Variants in DLG2 observed in about 807,000 individuals in gnomAD.
DLG2 encodes the protein disks large homolog 2.
In DLG2, 45 loss-of-function variants were observed where a neutral mutation model predicts 132.5. That is an observed-to-expected ratio of 0.34 (90% CI 0.27 to 0.44). DLG2 has a LOEUF of 0.44. Ranked by LOEUF, DLG2 falls within the 20% of genes least tolerant of loss-of-function variation. DLG2 has a pLI of 1.00. For synonymous variants in DLG2, 424 were observed against 419.6 expected (o/e 1.01, Z -0.13); for missense variants, 1,045 against 1,196.9 (o/e 0.87, Z 1.87).
intron 8 of DLG2, among the ~76,000 whole-genome samples, chr11:84,223,352 T>TA (rs1433517986): frequency 1.3e-5 from 2 of 151,932 alleles, no homozygotes; most frequent in African/African-American, 2.4e-5. Flanking sequence ...ATATATTTTC[T>TA]AAAAAAAATT....
At chr11:84,407,994 A>G (rs1167070963) in intron 7 of DLG2, among the ~76,000 whole-genome samples, 1 of 152,212 alleles carries the variant, frequency 6.6e-6, no homozygotes. Flanking sequence ...AACAGATCCT[A>G]CTAGATTATC....
At chr11:83,867,656 G>T (rs1371462911) in intron 16 of DLG2, among the ~76,000 whole-genome samples, 13 of 152,168 alleles carry the variant, frequency 8.5e-5, no homozygotes, top group African/African-American at 3.1e-4. Flanking sequence ...TCCACGTTTG[G>T]AAACTTCTGT....
At chr11:85,003,964 T>C (rs899642251) in intron 6 of DLG2, among the ~76,000 whole-genome samples, 3 of 152,194 alleles carry the variant, frequency 2.0e-5, no homozygotes, top group Admixed American at 2.0e-4. Context: ...AGTGAGAACA[T>C]GCGGTATTTG....
intron 7 of DLG2, among the ~76,000 whole-genome samples, chr11:84,522,163 G>A (rs2099304337): frequency 1.3e-5 from 2 of 149,456 alleles, no homozygotes; most frequent in Admixed American, 6.7e-5. Flanking sequence ...GCGAGACTCT[G>A]TCTCAAAAAC....
chr11:84,368,479 T>A (rs2098693057), intron 7 of DLG2, among the ~76,000 whole-genome samples: 2 of 152,242 alleles, frequency 1.3e-5, no homozygotes, highest in South Asian at 4.1e-4. Context: ...AACCATCTAC[T>A]AGATCAAGTA....
intron 9 of DLG2, among the ~76,000 whole-genome samples, chr11:84,154,643 C>T (rs1162949923): frequency 6.6e-6 from 1 of 152,006 alleles, no homozygotes; most frequent in Non-Finnish European, 1.5e-5. Flanking sequence ...TGCTATCCCT[C>T]CCCCCTTCCC....
intron 19 of DLG2, among the ~76,000 whole-genome samples, chr11:83,598,792 A>G (rs752635102): frequency 2.4e-4 from 37 of 152,256 alleles, no homozygotes; most frequent in Admixed American, 5.9e-4. Context: ...TATACTGAAC[A>G]TAATTTAAAT....
At chr11:84,879,402 T>C (rs2086924658) in intron 6 of DLG2, among the ~76,000 whole-genome samples, 1 of 152,166 alleles carries the variant, frequency 6.6e-6, no homozygotes, top group African/African-American at 2.4e-5. Flanking sequence ...TAGTGATAGC[T>C]CAAAATGATT....
intron 8 of DLG2, among the ~76,000 whole-genome samples, chr11:84,191,979 C>A (rs1406408823): frequency 6.6e-6 from 1 of 151,904 alleles, no homozygotes; most frequent in African/African-American, 2.4e-5. Context: ...ATCAACTAGC[C>A]CCATTTGTTA....
chr11:83,862,541 A>G (rs905935651), intron 16 of DLG2, among the ~76,000 whole-genome samples: 4 of 152,160 alleles, frequency 2.6e-5, no homozygotes, highest in Non-Finnish European at 4.4e-5. Context: ...TTGATGGCAG[A>G]ACAGGTTGAT....
intron 16 of DLG2, among the ~76,000 whole-genome samples, chr11:83,867,525 T>G (rs2062622673): frequency 6.6e-6 from 1 of 152,162 alleles, no homozygotes; most frequent in Admixed American, 6.6e-5. Flanking sequence ...TAAGGAAGGC[T>G]TTCTTTTATG....
intron 18 of DLG2, among the ~76,000 whole-genome samples, chr11:83,752,757 A>C (rs760279527): frequency 1.3e-5 from 2 of 152,254 alleles, no homozygotes; most frequent in African/African-American, 2.4e-5. Context: ...ATAATGCCAA[A>C]TACAAAGAGG....
intron 27 of DLG2, 66 bp downstream of exon 27, chr11:83,461,936 C>T (rs2090109387): frequency 9.1e-7 from 1 of 1,098,452 alleles, no homozygotes; most frequent in East Asian, 2.4e-5. Flanking sequence ...GCCCAGAACC[C>T]TCTCTGTGCC....
intron 6 of DLG2, among the ~76,000 whole-genome samples, chr11:84,845,634 C>T (rs11234201): frequency 0.32 from 47,852 of 151,340 alleles, 9,666 homozygotes; most frequent in Middle Eastern, 0.48. Context: ...GATAACCCAT[C>T]CTTCCCTATT....
At chr11:84,553,406 T>C (rs914523182) in intron 6 of DLG2, among the ~76,000 whole-genome samples, 1 of 152,194 alleles carries the variant, frequency 6.6e-6, no homozygotes, top group African/African-American at 2.4e-5. Context: ...ATAGTTAAGA[T>C]GCATGCTGAT....
At chr11:84,625,784 G>A (rs1252918378) in intron 6 of DLG2, among the ~76,000 whole-genome samples, 1 of 152,050 alleles carries the variant, frequency 6.6e-6, no homozygotes, top group Admixed American at 6.5e-5. Flanking sequence ...CTCATGATGG[G>A]CCAGACTATA....
At chr11:83,544,900 C>T (rs1381985527) in intron 19 of DLG2, among the ~76,000 whole-genome samples, 1 of 152,136 alleles carries the variant, frequency 6.6e-6, no homozygotes, top group Non-Finnish European at 1.5e-5. Flanking sequence ...ACTTGTTGCC[C>T]TCTGGCCATG....
intron 11 of DLG2, among the ~76,000 whole-genome samples, chr11:84,012,979 T>TTC (rs146346217): frequency 0.05 from 7,643 of 152,160 alleles, 259 homozygotes; most frequent in Middle Eastern, 0.092. Flanking sequence ...AGATCTGTCT[T>TTC]TTAAAGGAAA....
intron 3 of DLG2, among the ~76,000 whole-genome samples, chr11:85,324,778 C>A (rs1006083697): frequency 6.6e-6 from 1 of 152,080 alleles, no homozygotes; most frequent in Non-Finnish European, 1.5e-5. Context: ...GCCAAGATGG[C>A]CGAATAGGAA....
Sources: gnomAD v4.1 joint callset for allele counts (sites outside exome capture counted in the v4.1 genomes callset) on GRCh38, gnomAD v4.1.1 for gene constraint, MANE v1.5 for transcripts, NCBI Gene and HGNC (gene_info 2026-07-23, HGNC 2026-07-21) for gene names.